Variants in TMPRSS2 observed in about 807,000 individuals in gnomAD.
The protein encoded by TMPRSS2 is transmembrane protease serine 2.
TMPRSS2 carries 59 observed loss-of-function variants against 67.4 expected under a neutral mutation model. The ratio of observed to expected loss-of-function variants is 0.88; its 90% CI spans 0.71 to 1.09. TMPRSS2 has a LOEUF of 1.09. Among genes scored for constraint, TMPRSS2 ranks in the 50% least tolerant of loss-of-function variants. The pLI is 0.00. For synonymous variants in TMPRSS2, 257 were observed against 257.0 expected (o/e 1.00, Z 0.00); for missense variants, 668 against 642.7 (o/e 1.04, Z -0.43).
At chr21:41,492,614 A>G (rs1448847017) in intron 3 of TMPRSS2, among the ~76,000 whole-genome samples, 1 of 152,222 alleles carries the variant, frequency 6.6e-6, no homozygotes, top group Non-Finnish European at 1.5e-5. Context: ...AAGTTCAATT[A>G]AATTACTAAA....
chr21:41,500,465 G>A (rs1356103811), intron 1 of TMPRSS2, among the ~76,000 whole-genome samples: 2 of 152,262 alleles, frequency 1.3e-5, no homozygotes, highest in South Asian at 2.1e-4. Context: ...GTACACCATC[G>A]CTTTCCTGTG....
chr21:41,485,652 GAAAA>G (rs35871560), intron 5 of TMPRSS2, among the ~76,000 whole-genome samples: 1 of 131,124 alleles, frequency 7.6e-6, no homozygotes, highest in Non-Finnish European at 1.6e-5. Flanking sequence ...CTGTCTCCAG[GAAAA>G]AAAAAAAAAA....
intron 8 of TMPRSS2, among the ~76,000 whole-genome samples, chr21:41,475,713 G>A (rs533867263): frequency 1.3e-3 from 146 of 115,386 alleles, no homozygotes; most frequent in African/African-American, 4.5e-3. Flanking sequence ...TGAATGAGAG[G>A]TTGAGGGGGT....
chr21:41,467,820 A>G lies in TMPRSS2; in HGVS notation c.1381T>C (p.Trp461Arg). ...NIWWLIGDTS[W>R]GSGCAKAYRP... is the part of the protein sequence containing the mutation. Reference sequence around the variant, plus strand: ...TAAGCTTTGGCACAGCCAGAACCCCAGCTTGTATCCCCTATCAGCCACCAG... The same window carrying G: ...TAAGCTTTGGCACAGCCAGAACCCCGGCTTGTATCCCCTATCAGCCACCAG... Residue 461 changes from tryptophan (W) to arginine (R), a missense_variant, in exon 13 of 14, where the codon TGG becomes CGG. Trp to Arg is a moderately radical substitution (Grantham distance 101). Transcript: ENST00000332149. The G allele has an allele frequency of 6.2e-7, 1 of 1,614,208 alleles. No homozygotes were observed. Among genetic ancestry groups the G allele is most frequent in the Non-Finnish European group, 8.5e-7 (1 of 1,180,044 alleles).
intron 5 of TMPRSS2, among the ~76,000 whole-genome samples, chr21:41,485,462 A>T (rs1035407647): frequency 6.6e-6 from 1 of 152,014 alleles, no homozygotes. Flanking sequence ...AGTCTGGACA[A>T]CATTGATGAA....
chr21:41,493,212 C>CAAGT (rs1569023957), intron 3 of TMPRSS2, among the ~76,000 whole-genome samples: 2 of 152,100 alleles, frequency 1.3e-5, no homozygotes, highest in African/African-American at 2.4e-5. Context: ...AGTGCAAACA[C>CAAGT]AAGTATCTGC....
intron 3 of TMPRSS2, 74 bp from the exon 4 acceptor site, chr21:41,489,667 T>G: frequency 1.1e-6 from 1 of 935,524 alleles, no homozygotes; most frequent in Non-Finnish European, 1.7e-6. Context: ...TTATCTATTA[T>G]TTTTATAGTA....
chr21:41,494,662 G>A, intron 2 of TMPRSS2, 84 bp from the exon 3 acceptor site: 1 of 1,200,318 alleles, frequency 8.3e-7, no homozygotes, highest in Non-Finnish European at 1.2e-6. Flanking sequence ...TCATACCACA[G>A]CTATACCAAT....
intron 5 of TMPRSS2, among the ~76,000 whole-genome samples, chr21:41,485,301 A>G (rs180826598): frequency 6.6e-6 from 1 of 152,110 alleles, no homozygotes; most frequent in Admixed American, 6.5e-5. Context: ...TTCAGGTAAC[A>G]TAAGGACTTT....
Position 41,465,706 on chromosome 21 carries a change from C to T in TMPRSS2, c.*436G>A, listed in dbSNP as rs970865222. The T allele has an allele frequency of 7.7e-6, 2 of 260,534 alleles. No homozygotes were observed. Among genetic ancestry groups the T allele is most frequent in the Non-Finnish European group, 1.5e-5 (2 of 136,652 alleles). The allele number at this position is 260,534 out of a possible 1,614,324, so 16.1% of individuals were successfully genotyped here. A position where few individuals can be genotyped will look rare whatever the true frequency, so the allele number is the denominator to read the frequency against. The stretch of plus-strand genomic sequence containing the variant: ...TGGAGAGGTAGGCTGGGGACACTAC[C>T]AAGTGGCCCCAGAGGGCAGCCGCTG... On this transcript the variant is annotated 3_prime_UTR_variant, in exon 14 of 14. Coordinates refer to ENST00000332149, the MANE Select transcript of TMPRSS2 (RefSeq NM_005656.4).
At position 41,508,153 on chromosome 21, in the gene TMPRSS2, C is replaced by T; in HGVS notation, c.-129G>A. ...CCTCCGCCTCCTGCTTAGCTCGCGC[C>T]TACTCGGCCCGGCCCGCCCTGGCTC... On this transcript the variant is annotated 5_prime_UTR_variant, in exon 1 of 14. Coordinates refer to ENST00000332149, the MANE Select transcript of TMPRSS2 (RefSeq NM_005656.4). 2 of 726,284 alleles carry T rather than the reference C, an allele frequency of 2.8e-6. No individual in the cohort carries two copies. The highest frequency in any genetic ancestry group is 3.6e-5 in the South Asian group (1 of 27,604). 45.0% of individuals were successfully genotyped at this position (726,284 alleles called of 1,614,324 possible). A position where few individuals can be genotyped will look rare whatever the true frequency, so the allele number is the denominator to read the frequency against.
intron 5 of TMPRSS2, among the ~76,000 whole-genome samples, chr21:41,483,562 C>A (rs567504414): frequency 4.9e-5 from 7 of 142,520 alleles, no homozygotes; most frequent in Non-Finnish European, 1.1e-4. Flanking sequence ...TCCCAAAGTG[C>A]GGGGATTACA....
chr21:41,484,895 T>C (rs2146460141), intron 5 of TMPRSS2, among the ~76,000 whole-genome samples: 1 of 152,278 alleles, frequency 6.6e-6, no homozygotes, highest in South Asian at 2.1e-4. Flanking sequence ...TAAGGAATGC[T>C]GTCCAGGATG....
chr21:41,490,283 TATC>T (rs2091326163), intron 3 of TMPRSS2, among the ~76,000 whole-genome samples: 1 of 151,534 alleles, frequency 6.6e-6, no homozygotes, highest in Non-Finnish European at 1.5e-5. Flanking sequence ...TCCTAAAAAC[TATC>T]ATCACTCTGT....
Position 41,467,896 on chromosome 21 carries a change from A to G in TMPRSS2, c.1315-10T>C. On this transcript the variant is annotated splice_polypyrimidine_tract_variant and intron_variant, in intron 12 of 13. Transcript: ENST00000332149. Reference sequence around the variant, plus strand: ...GCCCTCCACTGTCACCCTGTGGGACACAGCAAGGTACAGAGAGCAGAAAAT... The same window carrying G: ...GCCCTCCACTGTCACCCTGTGGGACGCAGCAAGGTACAGAGAGCAGAAAAT... 2.5e-6 allele frequency: 4 copies of G among 1,614,138 alleles called. No homozygotes were observed. The highest frequency in any genetic ancestry group is 3.4e-6 in the Non-Finnish European group (4 of 1,179,998).
At position 41,478,286 on chromosome 21, in the gene TMPRSS2, G is replaced by GCTCC. The variant is rs2091231501; in HGVS notation, c.683+882_683+885dup. Among the ~76,000 whole-genome samples, 1 of 152,142 alleles carries GCTCC rather than the reference G, an allele frequency of 6.6e-6. No homozygotes were observed. Among genetic ancestry groups the GCTCC allele is most frequent in the Non-Finnish European group, 1.5e-5 (1 of 68,040 alleles). On this transcript the variant is annotated intron_variant, in intron 7 of 13. Transcript: ENST00000332149. This position sits in a 1 kb window ranked among gnomAD's most constrained non-coding sequence, Gnocchi z 4.0. ...CTCCAGGAATGCAAACCTGCCCCAG[G>GCTCC]CTCCCACTCAGAGGAAAGGTGGCGC...
At chr21:41,495,661 A>C (rs1332850904) in intron 2 of TMPRSS2, among the ~76,000 whole-genome samples, 1 of 151,840 alleles carries the variant, frequency 6.6e-6, no homozygotes, top group African/African-American at 2.4e-5. Flanking sequence ...AAAACAGTCA[A>C]GACAAGTACC....
rs913620419 is a variant in TMPRSS2, at chr21:41,465,324, A to G, written c.*818T>C. 4.3e-6 allele frequency: 1 copy of G among 233,646 alleles called. No individual in the cohort carries two copies. Among genetic ancestry groups the G allele is most frequent in the African/African-American group, 2.2e-5 (1 of 45,358 alleles). The allele number at this position is 233,646 out of a possible 1,614,324, so 14.5% of individuals were successfully genotyped here. A position where few individuals can be genotyped will look rare whatever the true frequency, so the allele number is the denominator to read the frequency against. Reference sequence around the variant, plus strand: ...AATTTCCAGTGACTAGCAGGCCTGAAGAGGCCAACATGGTGCCAGACTTGG... The same window carrying G: ...AATTTCCAGTGACTAGCAGGCCTGAGGAGGCCAACATGGTGCCAGACTTGG... On this transcript the variant is annotated 3_prime_UTR_variant, in exon 14 of 14. Transcript: ENST00000332149.
intron 1 of TMPRSS2, among the ~76,000 whole-genome samples, chr21:41,507,797 G>A (rs8126497): frequency 0.13 from 20,459 of 152,108 alleles, 1,734 homozygotes; most frequent in Non-Finnish European, 0.19. Context: ...GGACTCGCAG[G>A]ACCACCTGCC....
Sources: allele counts gnomAD v4.1 joint callset (sites outside exome capture counted in the v4.1 genomes callset), GRCh38; gene constraint gnomAD v4.1.1; non-coding constraint Gnocchi (gnomAD v3.1); transcripts MANE v1.5; gene names NCBI Gene and HGNC (gene_info 2026-07-23, HGNC 2026-07-21).